NPTX1: variants seen among roughly 807,000 people sequenced by gnomAD.
NPTX1 encodes the protein neuronal pentraxin 1.
A neutral mutation model predicts 38.7 loss-of-function variants in NPTX1; 12 were observed. The ratio of observed to expected loss-of-function variants is 0.31; its 90% CI spans 0.20 to 0.50. NPTX1 has a LOEUF of 0.50. NPTX1 is among the 20% of genes least tolerant of loss of function. NPTX1 has a pLI of 0.98. For missense variants in NPTX1, 454 were observed against 592.2 expected (o/e 0.77, Z 2.42); for synonymous variants, 272 against 264.9 (o/e 1.03, Z -0.26).
At chr17:80,471,185 T>C in intron 4 of NPTX1, 151 bp from the exon 5 acceptor site, 1 of 625,540 alleles carries the variant, frequency 1.6e-6, no homozygotes, top group Non-Finnish European at 2.7e-6. Flanking sequence ...TGTCCCTGAC[T>C]CTCCAGCCCT....
rs147463595 is a variant in NPTX1, at chr17:80,467,268, G to A, written c.*3545C>T. On this transcript the variant is annotated 3_prime_UTR_variant, in exon 5 of 5. Coordinates refer to ENST00000306773, the MANE Select transcript of NPTX1 (RefSeq NM_002522.4). ...GTACAGAAGTAATACATTTCCCATC[G>A]TTAGTTGAATAAATTTACACACTGT... The A allele has an allele frequency of 5.3e-4, 80 of 151,346 alleles. 1 individual carries two copies. In the East Asian group the frequency reaches 0.013, roughly 25 times the overall value. 9.4% of individuals were successfully genotyped at this position (151,346 alleles called of 1,614,324 possible).
Position 80,468,992 on chromosome 17 carries a change from C to G in NPTX1, c.*1821G>C. On this transcript the variant is annotated 3_prime_UTR_variant, in exon 5 of 5. Coordinates refer to ENST00000306773, the MANE Select transcript of NPTX1 (RefSeq NM_002522.4). ...GCAGCACGGCGCCTGATCTGCACCCCCCTCTGCGGGAGTGATGCATTGCAG... is the reference window on the plus strand; with the variant it reads ...GCAGCACGGCGCCTGATCTGCACCCGCCTCTGCGGGAGTGATGCATTGCAG... 6.6e-6 allele frequency: 1 copy of G among 152,302 alleles called. No individual in the cohort carries two copies. The highest frequency in any genetic ancestry group is 1.9e-4 in the East Asian group (1 of 5,192). 9.4% of individuals were successfully genotyped at this position (152,302 alleles called of 1,614,324 possible). A position where few individuals can be genotyped will look rare whatever the true frequency, so the allele number is the denominator to read the frequency against.
chr17:80,476,161 C>A lies in NPTX1; in HGVS notation c.286G>T (p.Asp96Tyr), dbSNP rs769343417. The A allele has an allele frequency of 6.3e-6, 10 of 1,591,486 alleles. No homozygotes were observed. Among genetic ancestry groups the A allele is most frequent in the Admixed American group, 3.4e-5 (2 of 58,434 alleles). Reference sequence around the variant, plus strand: ...GCCCGGGCCTCGCCGGCTCCGGGGTCCAGCGTGCTCTGGCTCTCGCAGCGG... The same window carrying A: ...GCCCGGGCCTCGCCGGCTCCGGGGTACAGCGTGCTCTGGCTCTCGCAGCGG... ...LGRCESQSTLDPGAGEARAGG... is the reference protein window; with the variant it reads ...LGRCESQSTLYPGAGEARAGG... Residue 96 changes from aspartate (D) to tyrosine (Y), a missense_variant, in exon 1 of 5, where the codon GAC becomes TAC. Physicochemically the swap from Asp to Tyr is radical, Grantham distance 160 (BLOSUM62 -3). Around this residue, in one of 4 missense-constraint regions of NPTX1, gnomAD observed 288 missense variants for 318.4 expected, o/e 0.90. Transcript: ENST00000306773. This position sits in a 1 kb window ranked among gnomAD's most constrained non-coding sequence, Gnocchi z 6.3.
At position 80,466,845 on chromosome 17, in the gene NPTX1, C is replaced by G. The variant is rs570817543; in HGVS notation, c.*3968G>C. On this transcript the variant is annotated 3_prime_UTR_variant, in exon 5 of 5. Transcript: ENST00000306773. Reference sequence around the variant, plus strand: ...CTGAGGAGACCACAGTCTTTCTCCACTCTTTACTGTGTAAAAATAAACTCA... The same window carrying G: ...CTGAGGAGACCACAGTCTTTCTCCAGTCTTTACTGTGTAAAAATAAACTCA... 6.6e-6 allele frequency among the ~76,000 whole-genome samples: 1 copy of G among 151,002 alleles called. No homozygotes were observed. The highest frequency in any genetic ancestry group is 2.1e-4 in the South Asian group (1 of 4,770).
Position 80,468,784 on chromosome 17 carries a change from A to G in NPTX1, c.*2029T>C, listed in dbSNP as rs1017844757. On this transcript the variant is annotated 3_prime_UTR_variant, in exon 5 of 5. Coordinates refer to ENST00000306773, the MANE Select transcript of NPTX1 (RefSeq NM_002522.4). ...GAACACTGGGCGGCACTCGGCACAC[A>G]ACACAGAACCGGGGCAGTCCATGCA... The G allele has an allele frequency of 2.2e-4, 33 of 152,314 alleles. No homozygotes were observed. Among genetic ancestry groups the G allele is most frequent in the African/African-American group, 6.8e-4 (28 of 41,444 alleles). The allele number at this position is 152,314 out of a possible 1,614,324, so 9.4% of individuals were successfully genotyped here. A position where few individuals can be genotyped will look rare whatever the true frequency, so the allele number is the denominator to read the frequency against.
In NPTX1 at chr17:80,471,025, C is replaced by T; in HGVS notation, c.1087G>A (p.Gly363Ser). 4 of 1,602,518 alleles carry T rather than the reference C, an allele frequency of 2.5e-6. No homozygotes were observed. The highest frequency in any genetic ancestry group is 3.4e-6 in the Non-Finnish European group (4 of 1,172,026). The change falls in exon 5 of 5, where the codon GGT (glycine) becomes AGT (serine). Residue 363 changes from glycine to serine, a missense_variant. Gly to Ser is a moderately conservative substitution (Grantham distance 56). Transcript: ENST00000306773. Reference protein sequence around the residue: ...LVLGQEQDTLGGGFDATQAFV... With the variant: ...LVLGQEQDTLSGGFDATQAFV... ...GCCTGGGTGGCATCAAACCCACCAC[C>T]CAGAGTGTCCTTCAGAGAAAAACAG...
intron 3 of NPTX1, 66 bp downstream of exon 3, chr17:80,473,134 C>T: frequency 6.4e-7 from 1 of 1,570,130 alleles, no homozygotes; most frequent in Non-Finnish European, 8.6e-7. Context: ...CCTGTCTCCG[C>T]ATGCAACATG....
chr17:80,473,306 G>T lies in NPTX1; in HGVS notation c.791C>A (p.Thr264Lys). ...GGAGAAGGGCGTGCCCACACCTGGCGTGGCGCTGGACTTGAGCCACATGCA... is the reference window on the plus strand; with the variant it reads ...GGAGAAGGGCGTGCCCACACCTGGCTTGGCGCTGGACTTGAGCCACATGCA... Reference protein sequence around the residue: ...TVCMWLKSSATPGVGTPFSYA... With the variant: ...TVCMWLKSSAKPGVGTPFSYA... The change falls in exon 3 of 5, where the codon ACG becomes AAG. Residue 264 changes from threonine (T) to lysine (K), a missense_variant. By Grantham distance (78) the Thr-to-Lys change is moderately conservative. Coordinates refer to ENST00000306773, the MANE Select transcript of NPTX1 (RefSeq NM_002522.4). The T allele has an allele frequency of 6.2e-7, 1 of 1,614,024 alleles. No homozygotes were observed. Among genetic ancestry groups the T allele is most frequent in the Non-Finnish European group, 8.5e-7 (1 of 1,180,016 alleles).
Position 80,476,287 on chromosome 17 carries a change from G to C in NPTX1, c.160C>G (p.Leu54Val). Residue 54 changes from leucine (L) to valine (V), a missense_variant, in exon 1 of 5, where the codon CTC (leucine) becomes GTC (valine). Coordinates refer to ENST00000306773, the MANE Select transcript of NPTX1 (RefSeq NM_002522.4). This position sits in a 1 kb window ranked among gnomAD's most constrained non-coding sequence, Gnocchi z 6.3. ...ASVAAGGAEE[L>V]RSSVLQLRET... The stretch of plus-strand genomic sequence containing the variant: ...CGGAGCTGCAGCACGCTGCTCCGGA[G>C]CTCCTCGGCGCCGCCGGCGGCCACG... 2 of 1,562,288 alleles carry C rather than the reference G, an allele frequency of 1.3e-6. No individual in the cohort carries two copies. Among genetic ancestry groups the C allele is most frequent in the Non-Finnish European group, 1.7e-6 (2 of 1,161,782 alleles).
In NPTX1 at chr17:80,470,713, G is replaced by T. The variant is rs902876398; in HGVS notation, c.*100C>A. On this transcript the variant is annotated 3_prime_UTR_variant, in exon 5 of 5. Transcript: ENST00000306773. ...TGCGTGTGCAGGGGCGACGGCCTCG[G>T]TTCATTCCTGGGGAAAAGGGAGAGA... 4.5e-6 allele frequency: 4 copies of T among 886,474 alleles called. No individual in the cohort carries two copies. In the African/African-American group the frequency reaches 6.6e-5, roughly 15 times the overall value. The allele number at this position is 886,474 out of a possible 1,614,324, so 54.9% of individuals were successfully genotyped here.
At position 80,476,468 on chromosome 17, in the gene NPTX1, C is replaced by T. The variant is rs185840824; in HGVS notation, c.-22G>A. ...GCATGGCTGCGGGCACCGGGCGCTC[C>T]GGGCCCGGCTCGGCTCGGCTGGGGC... On this transcript the variant is annotated 5_prime_UTR_variant, in exon 1 of 5. Coordinates refer to ENST00000306773, the MANE Select transcript of NPTX1 (RefSeq NM_002522.4). The surrounding 1 kb of genome is among the most constrained non-coding windows in gnomAD (Gnocchi z 6.3). The T allele has an allele frequency of 1.4e-3, 1,652 of 1,198,768 alleles. 19 individuals are homozygous for T. The African/African-American group carries it at 0.02, about 15-fold the overall frequency. 74.3% of individuals were successfully genotyped at this position (1,198,768 alleles called of 1,614,324 possible).
At position 80,471,096 on chromosome 17, in the gene NPTX1, T is replaced by C. The variant is rs968895912; in HGVS notation, c.1078-62A>G. On this transcript the variant is annotated intron_variant, in intron 4 of 4. Coordinates refer to ENST00000306773, the MANE Select transcript of NPTX1 (RefSeq NM_002522.4). Reference sequence around the variant, plus strand: ...GCCAGGTGGTCTGGGGGCCCATCCCTAGGCCGGGGATCTGAGTGCCTCTGT... The same window carrying C: ...GCCAGGTGGTCTGGGGGCCCATCCCCAGGCCGGGGATCTGAGTGCCTCTGT... The C allele has an allele frequency of 1.4e-5, 19 of 1,329,428 alleles. No individual in the cohort carries two copies. In the Admixed American group the frequency reaches 3.5e-4, roughly 25 times the overall value. The allele number at this position is 1,329,428 out of a possible 1,614,324, so 82.4% of individuals were successfully genotyped here.
Position 80,473,352 on chromosome 17 carries a change from C to T in NPTX1, c.745G>A (p.Glu249Lys), listed in dbSNP as rs767590354. ...MYAKVKKSLP[E>K]MYAFTVCMWL... ...ATGCAGACAGTGAAGGCGTACATCT[C>T]TGGCAGGCTCTTCTTCACCTTGGCA... is the stretch of plus-strand genomic sequence containing the variant. Residue 249 changes from glutamate (E) to lysine (K), a missense_variant, in exon 3 of 5, where the codon GAG becomes AAG. Around this residue, in one of 4 missense-constraint regions of NPTX1, gnomAD observed 110 missense variants for 197.5 expected, o/e 0.56. Transcript: ENST00000306773. 7 of 1,614,128 alleles carry T rather than the reference C, an allele frequency of 4.3e-6. No individual in the cohort carries two copies.
chr17:80,473,507 G>A, intron 2 of NPTX1, 63 bp from the exon 3 acceptor site: 9 of 1,557,360 alleles, frequency 5.8e-6, no homozygotes, highest in Non-Finnish European at 7.9e-6. Flanking sequence ...TCTGAGTTGA[G>A]TTCGGTCCCC....
At position 80,476,159 on chromosome 17, in the gene NPTX1, G is replaced by C. The variant is rs747787629; in HGVS notation, c.288C>G (p.Asp96Glu). 5.7e-6 allele frequency: 9 copies of C among 1,592,360 alleles called. No homozygotes were observed. The highest frequency in any genetic ancestry group is 7.7e-6 in the Non-Finnish European group (9 of 1,174,572). ...CCGCCCGGGCCTCGCCGGCTCCGGG[G>C]TCCAGCGTGCTCTGGCTCTCGCAGC... ...LGRCESQSTL[D>E]PGAGEARAGG... The change falls in exon 1 of 5, where the codon GAC becomes GAG. Residue 96 changes from aspartate to glutamate, a missense_variant. Around this residue, in one of 4 missense-constraint regions of NPTX1, gnomAD observed 288 missense variants for 318.4 expected, o/e 0.90. Coordinates refer to ENST00000306773, the MANE Select transcript of NPTX1 (RefSeq NM_002522.4). This position sits in a 1 kb window ranked among gnomAD's most constrained non-coding sequence, Gnocchi z 6.3.
chr17:80,473,677 G>A lies in NPTX1; in HGVS notation c.653-233C>T, dbSNP rs150599246. 4.9e-4 allele frequency: 270 copies of A among 554,848 alleles called. 1 individual carries two copies. In the East Asian group the frequency reaches 7.9e-3, roughly 16 times the overall value. The allele number at this position is 554,848 out of a possible 1,614,324, so 34.4% of individuals were successfully genotyped here. On this transcript the variant is annotated intron_variant, in intron 2 of 4. Coordinates refer to ENST00000306773, the MANE Select transcript of NPTX1 (RefSeq NM_002522.4). ...TGCTCCAGGTCTGGCCTGCTGTCAC[G>A]CCCATGTGCTGGCATCCTTGGGGAG...
intron 4 of NPTX1, 140 bp downstream of exon 4, chr17:80,471,592 G>T (rs1394625251): frequency 7.3e-7 from 1 of 1,366,774 alleles, no homozygotes. Flanking sequence ...CAGGGCACAG[G>T]CCTTGCCCAG....
rs2083811974 is a variant in NPTX1, at chr17:80,467,349, C to G, written c.*3464G>C. On this transcript the variant is annotated 3_prime_UTR_variant, in exon 5 of 5. Transcript: ENST00000306773. Reference sequence around the variant, plus strand: ...GCCACATTTGGTTGCCATAAGATTCCAAAGGATTCTATCCTCTTAATGTGA... The same window carrying G: ...GCCACATTTGGTTGCCATAAGATTCGAAAGGATTCTATCCTCTTAATGTGA... 1 of 152,562 alleles carries G rather than the reference C, an allele frequency of 6.6e-6. No individual in the cohort carries two copies. The highest frequency in any genetic ancestry group is 2.1e-4 in the South Asian group (1 of 4,826). The allele number at this position is 152,562 out of a possible 1,614,324, so 9.5% of individuals were successfully genotyped here.
At position 80,469,971 on chromosome 17, in the gene NPTX1, A is replaced by G. The variant is rs2083829782; in HGVS notation, c.*842T>C. ...GCAGACCCCAGCCTTGCAGGATCTGAGGAGGTGGGAAGGTCGAGGGCAGGG... is the reference window on the plus strand; with the variant it reads ...GCAGACCCCAGCCTTGCAGGATCTGGGGAGGTGGGAAGGTCGAGGGCAGGG... On this transcript the variant is annotated 3_prime_UTR_variant, in exon 5 of 5. Coordinates refer to ENST00000306773, the MANE Select transcript of NPTX1 (RefSeq NM_002522.4). The G allele has an allele frequency of 6.6e-6, 1 of 152,546 alleles. No individual in the cohort carries two copies. The highest frequency in any genetic ancestry group is 1.5e-5 in the Non-Finnish European group (1 of 68,274). The allele number at this position is 152,546 out of a possible 1,614,324, so 9.4% of individuals were successfully genotyped here. A position where few individuals can be genotyped will look rare whatever the true frequency, so the allele number is the denominator to read the frequency against.
Sources: allele counts gnomAD v4.1 joint callset (sites outside exome capture counted in the v4.1 genomes callset), GRCh38; gene constraint gnomAD v4.1.1; regional missense constraint gnomAD v4.1.1; non-coding constraint Gnocchi (gnomAD v3.1); transcripts MANE v1.5; gene names NCBI Gene and HGNC (gene_info 2026-07-23, HGNC 2026-07-21).